The following DNER variants were observed in gnomAD, a reference collection of about 807,000 sequenced individuals.
DNER encodes the protein delta/notch like EGF repeat containing.
DNER carries 33 observed loss-of-function variants against 78.2 expected under a neutral mutation model. The ratio of observed to expected loss-of-function variants is 0.42; its 90% CI spans 0.32 to 0.56. The LOEUF is 0.56. Ranked by LOEUF, DNER falls within the 20% of genes least tolerant of loss-of-function variation. The pLI, the probability that DNER is intolerant of heterozygous loss-of-function variation, is 0.11. For synonymous variants in DNER, 417 were observed against 384.8 expected (o/e 1.08, Z -0.98); for missense variants, 918 against 975.3 (o/e 0.94, Z 0.78).
At chr2:229,576,328 C>CTTTT (rs61419138) in intron 4 of DNER, among the ~76,000 whole-genome samples, 3 of 118,114 alleles carry the variant, frequency 2.5e-5, no homozygotes, top group African/African-American at 9.1e-5. Flanking sequence ...GTTTCTCTCT[C>CTTTT]TTTTTTTTTT....
At chr2:229,537,518 T>C (rs891712861) in intron 5 of DNER, among the ~76,000 whole-genome samples, 4 of 152,190 alleles carry the variant, frequency 2.6e-5, no homozygotes, top group Non-Finnish European at 5.9e-5. Flanking sequence ...CTTGATTTCC[T>C]GGTGTTTAAA....
intron 9 of DNER, among the ~76,000 whole-genome samples, chr2:229,411,249 C>A (rs1333976547): frequency 6.6e-6 from 1 of 152,096 alleles, no homozygotes; most frequent in Non-Finnish European, 1.5e-5. Context: ...ATTTCTGTAG[C>A]CTTTAAAAAT....
intron 5 of DNER, among the ~76,000 whole-genome samples, chr2:229,540,360 C>T (rs138476808): frequency 8.5e-4 from 129 of 152,228 alleles, no homozygotes; most frequent in African/African-American, 2.9e-3. Context: ...GAAGTAGCTG[C>T]TCATACATCA....
At chr2:229,605,855 G>A (rs940625215) in intron 1 of DNER, among the ~76,000 whole-genome samples, 2 of 152,036 alleles carry the variant, frequency 1.3e-5, no homozygotes, top group African/African-American at 4.8e-5. Context: ...TAGCACCACT[G>A]CACTCCAGCC....
intron 8 of DNER, among the ~76,000 whole-genome samples, chr2:229,440,904 G>A (rs1694220204): frequency 6.6e-6 from 1 of 152,052 alleles, no homozygotes; most frequent in Admixed American, 6.6e-5. Context: ...TATTTCTATT[G>A]GTACTTGCTA....
At chr2:229,710,981 G>GTGCA (rs1553555253) in intron 1 of DNER, among the ~76,000 whole-genome samples, 2 of 80,700 alleles carry the variant, frequency 2.5e-5, no homozygotes, top group African/African-American at 1.2e-4. Context: ...ATGCATACAC[G>GTGCA]CGCACACACA....
At chr2:229,693,587 A>G (rs897469980) in intron 1 of DNER, among the ~76,000 whole-genome samples, 7 of 152,148 alleles carry the variant, frequency 4.6e-5, no homozygotes, top group African/African-American at 1.7e-4. Context: ...GTCCAGGCTG[A>G]GGTGGTCTCA....
chr2:229,583,434 T>C (rs969264313), intron 4 of DNER, among the ~76,000 whole-genome samples: 2 of 152,244 alleles, frequency 1.3e-5, no homozygotes, highest in African/African-American at 4.8e-5. Flanking sequence ...GAATACTGTA[T>C]TGAAAGTAAA....
At chr2:229,446,536 G>A (rs915953232) in intron 8 of DNER, among the ~76,000 whole-genome samples, 2 of 152,166 alleles carry the variant, frequency 1.3e-5, no homozygotes, top group African/African-American at 4.8e-5. Flanking sequence ...TGGCCAGGGA[G>A]ATGTGTGGGG....
At chr2:229,578,167 T>G (rs951888203) in intron 4 of DNER, among the ~76,000 whole-genome samples, 1 of 152,174 alleles carries the variant, frequency 6.6e-6, no homozygotes, top group African/African-American at 2.4e-5. Context: ...AAACGTATGC[T>G]AAGCATCTTT....
intron 1 of DNER, among the ~76,000 whole-genome samples, chr2:229,651,447 C>T (rs1227542403): frequency 1.3e-5 from 2 of 152,158 alleles, no homozygotes; most frequent in Non-Finnish European, 1.5e-5. Flanking sequence ...ATGGGCAAGC[C>T]CTGGAATCAC....
chr2:229,544,024 C>G (rs528935290), intron 5 of DNER, among the ~76,000 whole-genome samples: 1 of 151,654 alleles, frequency 6.6e-6, no homozygotes, highest in East Asian at 1.9e-4. Context: ...CCCTTACCCT[C>G]AAACCTCACA....
intron 10 of DNER, among the ~76,000 whole-genome samples, chr2:229,394,239 G>A (rs1341242444): frequency 1.3e-5 from 2 of 152,156 alleles, no homozygotes; most frequent in Non-Finnish European, 2.9e-5. Flanking sequence ...CAACCTTGAT[G>A]TTATTGTACT....
intron 1 of DNER, among the ~76,000 whole-genome samples, chr2:229,638,443 G>A (rs1191627501): frequency 6.6e-6 from 1 of 152,170 alleles, no homozygotes; most frequent in East Asian, 1.9e-4. Context: ...AGGTGCCAAA[G>A]CAATTTATGG....
intron 1 of DNER, among the ~76,000 whole-genome samples, chr2:229,679,488 T>G (rs1476106526): frequency 6.6e-6 from 1 of 152,204 alleles, no homozygotes; most frequent in Non-Finnish European, 1.5e-5. Flanking sequence ...CCTGTCCTAT[T>G]CCTTTTTTTT....
chr2:229,548,614 G>A (rs1395111853), intron 4 of DNER, among the ~76,000 whole-genome samples: 1 of 152,076 alleles, frequency 6.6e-6, no homozygotes, highest in Non-Finnish European at 1.5e-5. Context: ...AGTAGGGGAG[G>A]GACAGCATTA....
rs754474573 is a variant in DNER, at chr2:229,358,491, T to C, written c.*49A>G. On this transcript the variant is annotated 3_prime_UTR_variant, in exon 13 of 13. Transcript: ENST00000341772. ...AAGCTTTTTATTTTCTTAAAAATAT[T>C]TAAATGAGTGTAGTATCTCATCTTT... 1.4e-5 allele frequency: 19 copies of C among 1,372,482 alleles called. No individual in the cohort carries two copies. Among genetic ancestry groups the C allele is most frequent in the Admixed American group, 2.2e-5 (1 of 45,542 alleles). The allele number at this position is 1,372,482 out of a possible 1,614,324, so 85.0% of individuals were successfully genotyped here.
At chr2:229,708,125 G>A (rs1293659669) in intron 1 of DNER, among the ~76,000 whole-genome samples, 2 of 152,230 alleles carry the variant, frequency 1.3e-5, no homozygotes, top group African/African-American at 4.8e-5. Context: ...GTGTGGACCA[G>A]GAGTTTCCAG....
intron 6 of DNER, among the ~76,000 whole-genome samples, chr2:229,503,660 C>T (rs141621326): frequency 5.3e-5 from 8 of 152,300 alleles, no homozygotes; most frequent in Non-Finnish European, 8.8e-5. Flanking sequence ...TGCAGTATGA[C>T]GGACTGGACT....
Sources: allele counts gnomAD v4.1 joint callset (sites outside exome capture counted in the v4.1 genomes callset), GRCh38; gene constraint gnomAD v4.1.1; transcripts MANE v1.5; gene names NCBI Gene and HGNC (gene_info 2026-07-23, HGNC 2026-07-21).